The following TUSC3 variants were observed in gnomAD, a reference collection of about 807,000 sequenced individuals.
TUSC3 encodes the protein dolichyl-diphosphooligosaccharide--protein glycosyltransferase subunit TUSC3.
TUSC3 carries 45 observed loss-of-function variants against 44.8 expected under a neutral mutation model. The observed-to-expected ratio is 1.00, with a 90% confidence interval of 0.79 to 1.29. TUSC3 has a LOEUF of 1.29. Among genes scored for constraint, TUSC3 ranks in the 50% most tolerant of loss-of-function variants. The pLI is 0.00. For missense variants in TUSC3, 519 were observed against 437.9 expected (o/e 1.19, Z -1.65); for synonymous variants, 212 against 152.9 (o/e 1.39, Z -2.85).
chr8:15,492,188 C>T (rs1800818468), intron 2 of TUSC3, among the ~76,000 whole-genome samples: 1 of 152,044 alleles, frequency 6.6e-6, no homozygotes, highest in South Asian at 2.1e-4. Context: ...TTGTGGAGCA[C>T]AGAGGAGAAG....
intron 1 of TUSC3, among the ~76,000 whole-genome samples, chr8:15,466,241 A>C (rs1429341483): frequency 6.6e-6 from 1 of 152,194 alleles, no homozygotes; most frequent in African/African-American, 2.4e-5. Context: ...TCTTTGGAAC[A>C]ATTTCAATAC....
At chr8:15,710,157 G>A (rs1295140005) in intron 6 of TUSC3, among the ~76,000 whole-genome samples, 1 of 151,708 alleles carries the variant, frequency 6.6e-6, no homozygotes, top group South Asian at 2.1e-4. Flanking sequence ...TTTAGGTTTT[G>A]TCTGGAGGCT....
intron 2 of TUSC3, among the ~76,000 whole-genome samples, chr8:15,638,860 A>G (rs571300952): frequency 1.3e-5 from 2 of 152,178 alleles, no homozygotes; most frequent in African/African-American, 4.8e-5. Flanking sequence ...GATGATTATG[A>G]TCATGTGTTG....
the TUSC3 span, among the ~76,000 whole-genome samples, chr8:15,772,343 G>T: frequency 2.6e-5 from 4 of 152,156 alleles, no homozygotes; most frequent in African/African-American, 9.7e-5. Context: ...AGAAATGGAA[G>T]TGGGAACATT....
At chr8:15,716,094 A>G (rs1203088859) in intron 6 of TUSC3, among the ~76,000 whole-genome samples, 3 of 151,934 alleles carry the variant, frequency 2.0e-5, no homozygotes, top group African/African-American at 7.3e-5. Context: ...CGCCTCTACT[A>G]AAAATACAAA....
rs183227627 is a variant in TUSC3, at chr8:15,467,149, G to A, written n.92-16237G>A. Among the ~76,000 whole-genome samples the A allele has an allele frequency of 1.4e-4, 22 of 152,066 alleles. 1 individual carries two copies. Among genetic ancestry groups the A allele is most frequent in the African/African-American group, 5.1e-4 (21 of 41,510 alleles). On this transcript the variant is annotated intron_variant and non_coding_transcript_variant, in intron 1 of 5. Coordinates refer to the TUSC3 transcript ENST00000503191. Reference sequence around the variant, plus strand: ...AATGTTATTAAAATTACTAAAACCTGTGATTAAAAGACAACACTGTTAGGG... The same window carrying A: ...AATGTTATTAAAATTACTAAAACCTATGATTAAAAGACAACACTGTTAGGG...
intron 2 of TUSC3, among the ~76,000 whole-genome samples, chr8:15,516,008 A>T (rs1215757538): frequency 6.6e-6 from 1 of 152,130 alleles, no homozygotes; most frequent in Non-Finnish European, 1.5e-5. Context: ...CTATGTCCTT[A>T]GCATTTTCTC....
chr8:15,587,158 A>G (rs1034475161), intron 1 of TUSC3, among the ~76,000 whole-genome samples: 14 of 152,156 alleles, frequency 9.2e-5, no homozygotes, highest in African/African-American at 3.4e-4. Flanking sequence ...GTGCTATTGG[A>G]TTATACTACT....
intron 2 of TUSC3, among the ~76,000 whole-genome samples, chr8:15,485,473 T>TG (rs985184189): frequency 2.6e-5 from 4 of 151,198 alleles, no homozygotes; most frequent in Non-Finnish European, 5.9e-5. Context: ...TCTTTTTTTT[T>TG]TTGTTTTTTG....
chr8:15,836,341 G>T, the TUSC3 span, among the ~76,000 whole-genome samples: 11 of 151,092 alleles, frequency 7.3e-5, no homozygotes, highest in South Asian at 2.3e-3. Context: ...AAAAAATTGC[G>T]CTGGCGGGTG....
intron 1 of TUSC3, among the ~76,000 whole-genome samples, chr8:15,549,707 G>A (rs919401): frequency 0.85 from 128,777 of 151,344 alleles, 55,346 homozygotes; most frequent in Non-Finnish European, 0.87. Flanking sequence ...TTCAAGGGGA[G>A]TAAAAGTTTT....
the TUSC3 span, among the ~76,000 whole-genome samples, chr8:15,796,304 G>T: frequency 1.3e-5 from 2 of 152,142 alleles, no homozygotes; most frequent in Non-Finnish European, 2.9e-5. Context: ...TGGTCCACGT[G>T]TTTTGATTAG....
At chr8:15,839,312 A>G in the TUSC3 span, among the ~76,000 whole-genome samples, 1 of 152,140 alleles carries the variant, frequency 6.6e-6, no homozygotes, top group Non-Finnish European at 1.5e-5. Flanking sequence ...AAACAGGGAC[A>G]ATTTGACTTC....
rs376121963 is a variant in TUSC3, at chr8:15,502,323, A to G, written n.189+18840A>G. ...AAATATCTAAGCAATATTTTTTTGA[A>G]GTTCAATTATATCATAGTCCATCTG... On this transcript the variant is annotated intron_variant and non_coding_transcript_variant, in intron 2 of 5. Transcript: ENST00000503191. 2.0e-5 allele frequency among the ~76,000 whole-genome samples: 3 copies of G among 152,220 alleles called. No individual in the cohort carries two copies. In the East Asian group the frequency reaches 5.8e-4, roughly 29 times the overall value.
the TUSC3 span, among the ~76,000 whole-genome samples, chr8:15,838,593 G>A: frequency 6.6e-6 from 1 of 152,104 alleles, no homozygotes; most frequent in East Asian, 1.9e-4. Context: ...AGTTTTCGCA[G>A]CACCATTTAT....
the TUSC3 span, among the ~76,000 whole-genome samples, chr8:15,804,542 C>G: frequency 6.6e-6 from 1 of 152,158 alleles, no homozygotes; most frequent in African/African-American, 2.4e-5. Context: ...CTGCATATGG[C>G]TAGCCAGCTA....
intron 1 of TUSC3, among the ~76,000 whole-genome samples, chr8:15,565,511 T>C (rs1405043927): frequency 2.6e-5 from 4 of 152,142 alleles, no homozygotes; most frequent in Non-Finnish European, 4.4e-5. Context: ...ACCAAGATAG[T>C]TGGTGGAAGC....
intron 2 of TUSC3, among the ~76,000 whole-genome samples, chr8:15,489,554 T>C (rs1438448524): frequency 6.6e-6 from 1 of 152,214 alleles, no homozygotes; most frequent in Non-Finnish European, 1.5e-5. Flanking sequence ...AGGGGCCATT[T>C]CAAAATATGT....
At position 15,699,813 on chromosome 8, in the gene TUSC3, A is replaced by C. The variant is rs1383673483; in HGVS notation, c.798+25977A>C. Among the ~76,000 whole-genome samples the C allele has an allele frequency of 2.6e-5, 4 of 152,248 alleles. No homozygotes were observed. The South Asian group carries it at 6.2e-4, about 24-fold the overall frequency. On this transcript the variant is annotated intron_variant, in intron 6 of 10. Coordinates refer to ENST00000503731, the MANE Select transcript of TUSC3 (RefSeq NM_006765.4). ...TGTTTTATAAAGCACTTAGAGGTTA[A>C]ATAGAACTTTTAAAATGGATTTCTT...
Sources: allele counts gnomAD v4.1 joint callset (sites outside exome capture counted in the v4.1 genomes callset), GRCh38; gene constraint gnomAD v4.1.1; transcripts MANE v1.5; gene names NCBI Gene and HGNC (gene_info 2026-07-23, HGNC 2026-07-21).